NPAS3: variants seen among roughly 807,000 people sequenced by gnomAD.
NPAS3 encodes the protein neuronal PAS domain protein 3.
In NPAS3, 14 loss-of-function variants were observed where a neutral mutation model predicts 73.1. The ratio of observed to expected loss-of-function variants is 0.19; its 90% confidence interval spans 0.13 to 0.30. The LOEUF is 0.30. Among genes scored for constraint, NPAS3 ranks in the 10% least tolerant of loss-of-function variants. The probability of loss-of-function intolerance (pLI) is 1.00; values close to 1 mark genes in which losing one functional copy is unlikely to be tolerated. For synonymous variants in NPAS3, 620 were observed against 541.5 expected (o/e 1.14, Z -2.01); for missense variants, 1,096 against 1,250.0 (o/e 0.88, Z 1.86).
At chr14:33,294,127 T>C (rs2042203843) in intron 3 of NPAS3, among the ~76,000 whole-genome samples, 2 of 152,154 alleles carry the variant, frequency 1.3e-5, no homozygotes. Flanking sequence ...GGATGGTCTA[T>C]GGAAAGGGTT....
chr14:33,235,382 G>C (rs947721629), intron 3 of NPAS3, among the ~76,000 whole-genome samples: 1 of 151,950 alleles, frequency 6.6e-6, no homozygotes, highest in African/African-American at 2.4e-5. Context: ...CCGATTTATG[G>C]CTTTCCTTTT....
intron 6 of NPAS3, among the ~76,000 whole-genome samples, chr14:33,700,742 T>A (rs1349376895): frequency 6.6e-6 from 1 of 152,212 alleles, no homozygotes; most frequent in Non-Finnish European, 1.5e-5. Flanking sequence ...CGTCCAGGAC[T>A]TATAAAGCAA....
chr14:33,435,775 G>C (rs528159320), intron 4 of NPAS3, among the ~76,000 whole-genome samples: 20 of 152,146 alleles, frequency 1.3e-4, no homozygotes, highest in African/African-American at 3.9e-4. Flanking sequence ...TGTCCCTTTC[G>C]ATGTACATAG....
intron 4 of NPAS3, among the ~76,000 whole-genome samples, chr14:33,478,667 G>T (rs74380069): frequency 2.0e-5 from 3 of 152,126 alleles, no homozygotes; most frequent in Non-Finnish European, 4.4e-5. Flanking sequence ...AGAAAGTTGC[G>T]TTTGGGCAAA....
chr14:33,214,084 A>C (rs1333912180), intron 2 of NPAS3: 1 of 152,220 alleles, frequency 6.6e-6, no homozygotes, highest in Non-Finnish European at 1.5e-5. Flanking sequence ...GCTAGACTCA[A>C]ATATTTACAG....
At chr14:33,521,434 T>A (rs2053548919) in intron 4 of NPAS3, among the ~76,000 whole-genome samples, 1 of 151,552 alleles carries the variant, frequency 6.6e-6, no homozygotes, top group Non-Finnish European at 1.5e-5. Context: ...GACTTATCTT[T>A]GCCCTGAGGG....
chr14:33,543,959 A>ATC (rs1295554590), intron 4 of NPAS3, among the ~76,000 whole-genome samples: 6 of 21,866 alleles, frequency 2.7e-4, no homozygotes, highest in Non-Finnish European at 4.4e-4. Flanking sequence ...ATATATATAT[A>ATC]TATATATATA....
chr14:33,745,381 C>T (rs2061762202), intron 7 of NPAS3, among the ~76,000 whole-genome samples: 1 of 152,236 alleles, frequency 6.6e-6, no homozygotes, highest in Non-Finnish European at 1.5e-5. Flanking sequence ...GCTGTGACAT[C>T]AGACAGCTGA....
chr14:33,636,288 G>A (rs890420972), intron 5 of NPAS3, among the ~76,000 whole-genome samples: 5 of 152,322 alleles, frequency 3.3e-5, no homozygotes, highest in African/African-American at 1.2e-4. Context: ...GGCAGCTTAT[G>A]GAACGGATGA....
intron 1 of NPAS3, among the ~76,000 whole-genome samples, chr14:32,998,263 G>A (rs2139540737): frequency 6.6e-6 from 1 of 152,294 alleles, no homozygotes; most frequent in African/African-American, 2.4e-5. Context: ...CTAAGTGAAA[G>A]AAGCCAGAAA....
chr14:33,676,160 G>C (rs953906278), intron 5 of NPAS3, 51 bp from the exon 6 acceptor site: 1 of 1,570,300 alleles, frequency 6.4e-7, no homozygotes, highest in Non-Finnish European at 8.7e-7. Flanking sequence ...ATTTGAAAAT[G>C]GAGAAGCCTA....
At chr14:33,486,743 C>T (rs1269689274) in intron 4 of NPAS3, among the ~76,000 whole-genome samples, 2 of 152,194 alleles carry the variant, frequency 1.3e-5, no homozygotes, top group Non-Finnish European at 2.9e-5. Context: ...TTGGCCCCTC[C>T]TCAGGCAGGC....
chr14:33,009,521 T>A (rs570458215), intron 1 of NPAS3, among the ~76,000 whole-genome samples: 2 of 152,268 alleles, frequency 1.3e-5, no homozygotes, highest in South Asian at 4.1e-4. Context: ...GTAGTAATGA[T>A]GACGGTGGCA....
chr14:33,671,305 C>G (rs2059604175), intron 5 of NPAS3, among the ~76,000 whole-genome samples: 2 of 152,140 alleles, frequency 1.3e-5, no homozygotes, highest in African/African-American at 4.8e-5. Context: ...ATTAGCCCCC[C>G]CATCCTATCT....
chr14:33,770,775 C>G (rs949674544), intron 7 of NPAS3, among the ~76,000 whole-genome samples: 1 of 152,148 alleles, frequency 6.6e-6, no homozygotes, highest in Non-Finnish European at 1.5e-5. Flanking sequence ...TGGTGCATGC[C>G]TGTAATCCCA....
At chr14:33,285,339 G>A (rs181058288) in intron 3 of NPAS3, among the ~76,000 whole-genome samples, 1 of 152,254 alleles carries the variant, frequency 6.6e-6, no homozygotes, top group East Asian at 1.9e-4. Flanking sequence ...ACCATCATTA[G>A]GTTAAGAACT....
intron 2 of NPAS3, among the ~76,000 whole-genome samples, chr14:33,103,402 T>G (rs1179857472): frequency 6.6e-6 from 1 of 152,158 alleles, no homozygotes; most frequent in Non-Finnish European, 1.5e-5. Flanking sequence ...TGCTGTTCTG[T>G]ATATTATTTC....
intron 1 of NPAS3, among the ~76,000 whole-genome samples, chr14:33,036,680 A>G (rs933970837): frequency 6.6e-6 from 1 of 152,202 alleles, no homozygotes; most frequent in Non-Finnish European, 1.5e-5. Context: ...TAGTCGTCAT[A>G]TAGTATGGAA....
chr14:33,284,328 ATT>A lies in NPAS3; in HGVS notation c.385+68912_385+68913del, dbSNP rs199702551. 6.4e-3 allele frequency among the ~76,000 whole-genome samples: 951 copies of A among 147,986 alleles called. 9 individuals carry two copies. The highest frequency in any genetic ancestry group is 0.022 in the African/African-American group (904 of 40,800). On this transcript the variant is annotated intron_variant, in intron 3 of 11. Coordinates refer to ENST00000356141, the Ensembl canonical transcript of NPAS3. Reference sequence around the variant, plus strand: ...TGTTTCTTCATAGAAACAGTGCTCTATTTTTTTTTTTAAAGATTCTTAACTCT... The same window carrying A: ...TGTTTCTTCATAGAAACAGTGCTCTATTTTTTTTTAAAGATTCTTAACTCT...
Sources: gnomAD v4.1 joint callset for allele counts (sites outside exome capture counted in the v4.1 genomes callset) on GRCh38, gnomAD v4.1.1 for gene constraint, MANE v1.5 for transcripts, NCBI Gene and HGNC (gene_info 2026-07-23, HGNC 2026-07-21) for gene names.